The following ENPP3 variants were observed in gnomAD, a reference collection of about 807,000 sequenced individuals.
ENPP3 encodes the protein ectonucleotide pyrophosphatase/phosphodiesterase 3.
In ENPP3, 104 loss-of-function variants were observed where a neutral mutation model predicts 117.8. The observed-to-expected ratio is 0.88, with a 90% CI of 0.75 to 1.04. The LOEUF is 1.04. ENPP3 is among the 50% of genes least tolerant of loss of function. The pLI is 0.00. For synonymous variants in ENPP3, 380 were observed against 349.9 expected (o/e 1.09, Z -0.96); for missense variants, 1,026 against 1,051.9 (o/e 0.98, Z 0.34).
At chr6:131,658,009 T>G (rs1450679029) in intron 5 of ENPP3, among the ~76,000 whole-genome samples, 1 of 151,744 alleles carries the variant, frequency 6.6e-6, no homozygotes, top group Admixed American at 6.6e-5. Flanking sequence ...CTAAAATTTA[T>G]CCGGTTGTGG....
intron 15 of ENPP3, among the ~76,000 whole-genome samples, chr6:131,696,582 G>C (rs950773002): frequency 6.6e-6 from 1 of 152,158 alleles, no homozygotes; most frequent in Non-Finnish European, 1.5e-5. Context: ...GAGTGGAAAT[G>C]GAATCTTTGC....
In ENPP3 at chr6:131,746,889, A is replaced by C. The variant is rs146345536; in HGVS notation, c.2561A>C (p.Lys854Thr). The change falls in exon 25 of 25, where the codon AAA (lysine) becomes ACA (threonine). Residue 854 changes from lysine (K) to threonine (T), a missense_variant. Lys to Thr is a moderately conservative substitution (Grantham distance 78). Coordinates refer to ENST00000357639, the MANE Select transcript of ENPP3 (RefSeq NM_005021.5). ...ACTGGGCTTGACTTCTATCAGGATA[A>C]AGTGCAGCCTGTCTCTGAAATTTTG... is the stretch of plus-strand genomic sequence containing the variant. ...LLTGLDFYQD[K>T]VQPVSEILQL... The C allele has an allele frequency of 4.3e-6, 7 of 1,612,820 alleles. No individual in the cohort carries two copies. The highest frequency in any genetic ancestry group is 5.9e-6 in the Non-Finnish European group (7 of 1,179,368).
At chr6:131,736,034 A>T (rs1780390260) in intron 21 of ENPP3, among the ~76,000 whole-genome samples, 1 of 152,266 alleles carries the variant, frequency 6.6e-6, no homozygotes, top group Non-Finnish European at 1.5e-5. Flanking sequence ...ACAGGTTTGC[A>T]GCTTTTAATC....
At chr6:131,665,257 G>C (rs1391216463) in intron 6 of ENPP3, among the ~76,000 whole-genome samples, 1 of 152,056 alleles carries the variant, frequency 6.6e-6, no homozygotes, top group Non-Finnish European at 1.5e-5. Context: ...GGTAATGCTA[G>C]CCTTATTCAT....
At chr6:131,674,133 T>A in intron 7 of ENPP3, 29 bp from the exon 8 acceptor site, 1 of 1,377,896 alleles carries the variant, frequency 7.3e-7, no homozygotes, top group Non-Finnish European at 1.0e-6. Context: ...ATATTTTATC[T>A]TACATCTTTT....
rs137940500 is a variant in ENPP3 at position 131,663,087 on chromosome 6, T to C, written c.562+4667T>C. Among the ~76,000 whole-genome samples the C allele has an allele frequency of 7.9e-3, 1,206 of 152,142 alleles. 12 individuals are homozygous for C. Among genetic ancestry groups the C allele is most frequent in the African/African-American group, 0.024 (1,009 of 41,548 alleles). ...TTAGAGCTTTCAGTATATTTAGAGCTTCAGTAGATAGTATCATGTCTTCTG... is the reference window on the plus strand; with the variant it reads ...TTAGAGCTTTCAGTATATTTAGAGCCTCAGTAGATAGTATCATGTCTTCTG... On this transcript the variant is annotated intron_variant, in intron 6 of 24. Coordinates refer to ENST00000357639, the MANE Select transcript of ENPP3 (RefSeq NM_005021.5).
chr6:131,682,621 G>A (rs199959160), intron 11 of ENPP3, among the ~76,000 whole-genome samples: 2 of 152,332 alleles, frequency 1.3e-5, no homozygotes, highest in East Asian at 1.9e-4. Context: ...ATGCCCAGAA[G>A]TAGAATCGTT....
chr6:131,638,633 C>T (rs1562421180), intron 1 of ENPP3: 3 of 322,976 alleles, frequency 9.3e-6, no homozygotes, highest in South Asian at 5.1e-5. Flanking sequence ...ACCATGTTGC[C>T]CAGGCTGGTC....
chr6:131,661,728 A>G (rs1213926720), intron 6 of ENPP3, among the ~76,000 whole-genome samples: 5 of 152,306 alleles, frequency 3.3e-5, no homozygotes, highest in Non-Finnish European at 7.3e-5. Flanking sequence ...TCATTAGCTC[A>G]TTTTTTAATG....
Position 131,740,100 on chromosome 6 carries a change from CAA to C in ENPP3, c.2301-122_2301-121del, listed in dbSNP as rs542684978. 6 of 736,870 alleles carry C rather than the reference CAA, an allele frequency of 8.1e-6. No homozygotes were observed. In the South Asian group the frequency reaches 1.5e-4, roughly 19 times the overall value. The allele number at this position is 736,870 out of a possible 1,614,324, so 45.6% of individuals were successfully genotyped here. On this transcript the variant is annotated intron_variant, in intron 23 of 24. Transcript: ENST00000357639. ...TACCTAGCATATAGTAAAATGCTGTCAAACTTAGAATTATAAGAATTATTATT... is the reference window on the plus strand; with the variant it reads ...TACCTAGCATATAGTAAAATGCTGTCACTTAGAATTATAAGAATTATTATT...
intron 14 of ENPP3, among the ~76,000 whole-genome samples, chr6:131,689,726 A>G (rs998485908): frequency 1.3e-4 from 20 of 152,248 alleles, no homozygotes; most frequent in African/African-American, 4.8e-4. Flanking sequence ...GACTATTGTC[A>G]TAAATAAGGA....
intron 1 of ENPP3, chr6:131,638,677 G>A (rs558153484): frequency 8.2e-5 from 21 of 254,818 alleles, no homozygotes; most frequent in Admixed American, 2.6e-4. Flanking sequence ...TACCTGCCTC[G>A]GCCTCCCAAA....
At chr6:131,678,445 T>C (rs924280830) in intron 11 of ENPP3, among the ~76,000 whole-genome samples, 11 of 152,186 alleles carry the variant, frequency 7.2e-5, no homozygotes, top group African/African-American at 2.7e-4. Context: ...CTAATATGAG[T>C]TTATTCATTA....
At chr6:131,681,922 C>A (rs901449224) in intron 11 of ENPP3, among the ~76,000 whole-genome samples, 1 of 152,060 alleles carries the variant, frequency 6.6e-6, no homozygotes, top group Non-Finnish European at 1.5e-5. Context: ...TCACTGCCCC[C>A]CTGGGGTTCA....
intron 7 of ENPP3, among the ~76,000 whole-genome samples, chr6:131,671,974 T>C (rs983134809): frequency 6.6e-6 from 1 of 152,226 alleles, no homozygotes; most frequent in Non-Finnish European, 1.5e-5. Context: ...TTTTAATCTT[T>C]TATTACTATG....
In ENPP3 at chr6:131,685,465, G is replaced by A. The variant is rs370197583; in HGVS notation, c.1222G>A (p.Ala408Thr). 2.5e-6 allele frequency: 4 copies of A among 1,613,796 alleles called. No individual in the cohort carries two copies. In the African/African-American group the frequency reaches 5.3e-5, roughly 22 times the overall value. Residue 408 changes from alanine (A) to threonine (T), a missense_variant, in exon 13 of 25, where the codon GCT becomes ACT. Coordinates refer to ENST00000357639, the MANE Select transcript of ENPP3 (RefSeq NM_005021.5). The part of the protein sequence containing the change: ...MYEGPAPRIR[A>T]HNIPHDFFSF... ...CGAAGGGCCTGCCCCCCGCATCCGAGCTCATAATATACCTCATGACTTTTT... is the reference window on the plus strand; with the variant it reads ...CGAAGGGCCTGCCCCCCGCATCCGAACTCATAATATACCTCATGACTTTTT...
chr6:131,744,510 C>G (rs13218939), intron 24 of ENPP3, among the ~76,000 whole-genome samples: 4,793 of 152,214 alleles, frequency 0.031, 84 homozygotes, highest in Middle Eastern at 0.11. Context: ...TCTGAGGAAA[C>G]AGAAGGTATT....
intron 2 of ENPP3, 21 bp from the exon 3 acceptor site, chr6:131,650,006 C>G: frequency 6.2e-7 from 1 of 1,613,530 alleles, no homozygotes; most frequent in Non-Finnish European, 8.5e-7. Flanking sequence ...ATGTTCGGGC[C>G]CTATTTCCTT....
intron 20 of ENPP3, 44 bp from the exon 21 acceptor site, chr6:131,733,544 G>A: frequency 1.9e-6 from 3 of 1,592,810 alleles, no homozygotes; most frequent in South Asian, 1.1e-5. Flanking sequence ...CAATGGGTGA[G>A]CCGCAATTGT....
Sources: allele counts gnomAD v4.1 joint callset (sites outside exome capture counted in the v4.1 genomes callset), GRCh38; gene constraint gnomAD v4.1.1; transcripts MANE v1.5; gene names NCBI Gene and HGNC (gene_info 2026-07-23, HGNC 2026-07-21).